CALCRL: variants seen among roughly 807,000 people sequenced by gnomAD.
The protein encoded by CALCRL is calcitonin gene-related peptide type 1 receptor.
In CALCRL, 27 loss-of-function variants were observed where a neutral mutation model predicts 60.4. The observed-to-expected ratio is 0.45, with a 90% confidence interval of 0.33 to 0.62. The LOEUF (loss-of-function observed/expected upper bound fraction) is 0.62, where lower values mean the gene tolerates loss of function less well. Among genes scored for constraint, CALCRL ranks in the 20% least tolerant of loss-of-function variants. The pLI, the probability that CALCRL is intolerant of heterozygous loss-of-function variation, is 0.03. For synonymous variants in CALCRL, 190 were observed against 182.6 expected, an observed-to-expected ratio of 1.04 and a Z score of -0.33; for missense variants, 424 against 540.7, an observed-to-expected ratio of 0.78 and a Z score of 2.14.
At chr2:187,401,307 A>G (rs1688879305) in intron 1 of CALCRL, among the ~76,000 whole-genome samples, 1 of 151,688 alleles carries the variant, frequency 6.6e-6, no homozygotes, top group South Asian at 2.1e-4. Context: ...ACATTGTAAA[A>G]CAAAACACAT....
intron 12 of CALCRL, among the ~76,000 whole-genome samples, chr2:187,355,877 T>A (rs1686756876): frequency 6.6e-6 from 1 of 152,056 alleles, no homozygotes; most frequent in South Asian, 2.1e-4. Flanking sequence ...GAGAGCTAAA[T>A]CATGAGTCAA....
At position 187,351,980 on chromosome 2, in the gene CALCRL, A is replaced by G. The variant is rs1559037377; in HGVS notation, c.1129-19T>C. 2 of 1,593,862 alleles carry G rather than the reference A, an allele frequency of 1.3e-6. No individual in the cohort carries two copies. Among genetic ancestry groups the G allele is most frequent in the Non-Finnish European group, 1.7e-6 (2 of 1,163,884 alleles). On this transcript the variant is annotated intron_variant, in intron 13 of 14. Coordinates refer to ENST00000392370, the MANE Select transcript of CALCRL (RefSeq NM_005795.6). The stretch of plus-strand genomic sequence containing the variant: ...AAAGACCCTGTAAAAGAAAAATAGA[A>G]TGATCTGAATCCAAATGGAAAGATA...
At chr2:187,357,619 T>C (rs957537137) in intron 12 of CALCRL, among the ~76,000 whole-genome samples, 5 of 135,392 alleles carry the variant, frequency 3.7e-5, no homozygotes, top group African/African-American at 1.4e-4. Context: ...CCATGTGTTC[T>C]CATTGTTCAA....
intron 12 of CALCRL, among the ~76,000 whole-genome samples, chr2:187,352,827 T>C (rs1267719262): frequency 1.3e-5 from 2 of 151,952 alleles, no homozygotes; most frequent in Admixed American, 6.6e-5. Context: ...TTTCTTCTAG[T>C]AACAATAATC....
Position 187,407,365 on chromosome 2 carries a change from T to C in CALCRL, c.-292-19609A>G, listed in dbSNP as rs186380832. On this transcript the variant is annotated intron_variant, in intron 1 of 14. Transcript: ENST00000392370. ...GAGAATAAAGACTGGTTAAGATAAT[T>C]TGTTTTGTCTGTTTGTAAAGTAAAT... 3.7e-4 allele frequency among the ~76,000 whole-genome samples: 56 copies of C among 152,230 alleles called. No homozygotes were observed. In the East Asian group the frequency reaches 8.7e-3, roughly 24 times the overall value.
Position 187,359,276 on chromosome 2 carries a change from TAATA to T in CALCRL, c.782-8_782-5del. 1 of 1,503,904 alleles carries T rather than the reference TAATA, an allele frequency of 6.6e-7. No individual in the cohort carries two copies. The highest frequency in any genetic ancestry group is 1.3e-5 in the South Asian group (1 of 74,244). 93.2% of individuals were successfully genotyped at this position (1,503,904 alleles called of 1,614,324 possible). A position where few individuals can be genotyped will look rare whatever the true frequency, so the allele number is the denominator to read the frequency against. On this transcript the variant is annotated splice_polypyrimidine_tract_variant and splice_region_variant and intron_variant, in intron 10 of 14. Coordinates refer to ENST00000392370, the MANE Select transcript of CALCRL (RefSeq NM_005795.6). ...CAAGCAGGAATCAGTGGAAATCCTG[TAATA>T]ACAAAAAAAAAAGAAAATAAATAGG...
intron 1 of CALCRL, among the ~76,000 whole-genome samples, chr2:187,420,748 A>C (rs1689835712): frequency 6.6e-6 from 1 of 152,124 alleles, no homozygotes; most frequent in African/African-American, 2.4e-5. Context: ...ACAGAGGAAG[A>C]AAGAGTAAAT....
At chr2:187,445,845 G>A (rs1691155398) in intron 1 of CALCRL, among the ~76,000 whole-genome samples, 1 of 151,414 alleles carries the variant, frequency 6.6e-6, no homozygotes, top group South Asian at 2.1e-4. Flanking sequence ...AGTCACCAGT[G>A]AGAAAACCAT....
intron 1 of CALCRL, among the ~76,000 whole-genome samples, chr2:187,396,217 G>T (rs550589907): frequency 5.3e-5 from 8 of 151,594 alleles, no homozygotes; most frequent in Non-Finnish European, 1.2e-4. Flanking sequence ...CACTTATCTT[G>T]CTCTCACCTC....
chr2:187,389,940 T>C (rs1688365265), intron 1 of CALCRL, among the ~76,000 whole-genome samples: 1 of 152,146 alleles, frequency 6.6e-6, no homozygotes, highest in African/African-American at 2.4e-5. Context: ...AACAAATGTT[T>C]ACCATATACA....
intron 1 of CALCRL, among the ~76,000 whole-genome samples, chr2:187,420,528 C>T (rs1386822172): frequency 6.6e-6 from 1 of 151,576 alleles, no homozygotes; most frequent in Non-Finnish European, 1.5e-5. Flanking sequence ...AAATTCTTGT[C>T]CACTACTGCC....
At chr2:187,353,835 C>T (rs1412423921) in intron 12 of CALCRL, among the ~76,000 whole-genome samples, 1 of 151,790 alleles carries the variant, frequency 6.6e-6, no homozygotes, top group Non-Finnish European at 1.5e-5. Flanking sequence ...TATAAAAAGA[C>T]AGTAGAAACA....
intron 8 of CALCRL, among the ~76,000 whole-genome samples, chr2:187,378,569 C>T (rs914584826): frequency 1.3e-5 from 2 of 152,070 alleles, no homozygotes; most frequent in Non-Finnish European, 2.9e-5. Context: ...GCACAAAATT[C>T]CGGTTTCTAA....
intron 8 of CALCRL, among the ~76,000 whole-genome samples, chr2:187,374,094 G>C (rs963246999): frequency 3.9e-5 from 6 of 152,130 alleles, no homozygotes; most frequent in Non-Finnish European, 8.8e-5. Flanking sequence ...CTTGAGCCCA[G>C]GCGTTTGAAG....
intron 1 of CALCRL, among the ~76,000 whole-genome samples, chr2:187,414,889 TAAA>T (rs3053232): frequency 0.04 from 5,917 of 146,336 alleles, 145 homozygotes; most frequent in African/African-American, 0.07. Flanking sequence ...TTTTTTTTTT[TAAA>T]AAAAAAAAGG....
In CALCRL at chr2:187,346,082, CAA is replaced by C. The variant is rs1445699225; in HGVS notation, c.*100_*101del. Reference sequence around the variant, plus strand: ...TGTGAAGGCTCTTCTTTATGACATTCAAAAAGTCATTTAATATTGAAGTCTTC... The same window carrying C: ...TGTGAAGGCTCTTCTTTATGACATTCAAAGTCATTTAATATTGAAGTCTTC... On this transcript the variant is annotated 3_prime_UTR_variant, in exon 15 of 15. Coordinates refer to ENST00000392370, the MANE Select transcript of CALCRL (RefSeq NM_005795.6). The C allele has an allele frequency of 1.0e-5, 7 of 683,282 alleles. No individual in the cohort carries two copies. Among genetic ancestry groups the C allele is most frequent in the East Asian group, 5.5e-5 (2 of 36,528 alleles). 42.3% of individuals were successfully genotyped at this position (683,282 alleles called of 1,614,324 possible).
chr2:187,410,418 A>G (rs1049588634), intron 1 of CALCRL, among the ~76,000 whole-genome samples: 5 of 150,876 alleles, frequency 3.3e-5, no homozygotes, highest in Admixed American at 6.6e-5. Flanking sequence ...TGAGAAAGAA[A>G]GAAAAAAAAA....
At chr2:187,440,216 A>C (rs1208992124) in intron 1 of CALCRL, among the ~76,000 whole-genome samples, 1 of 148,612 alleles carries the variant, frequency 6.7e-6, no homozygotes, top group African/African-American at 2.5e-5. Context: ...TGTCCAGACG[A>C]AAAAAAAAAG....
At chr2:187,351,477 C>A (rs944059869) in intron 14 of CALCRL, among the ~76,000 whole-genome samples, 1 of 151,608 alleles carries the variant, frequency 6.6e-6, no homozygotes, top group Non-Finnish European at 1.5e-5. Flanking sequence ...TTTTAAAATC[C>A]TTTCGTATTT....
Sources: gnomAD v4.1 joint callset for allele counts (sites outside exome capture counted in the v4.1 genomes callset) on GRCh38, gnomAD v4.1.1 for gene constraint, MANE v1.5 for transcripts, NCBI Gene and HGNC (gene_info 2026-07-23, HGNC 2026-07-21) for gene names.